The following NUP37 variants were observed in gnomAD, a reference collection of about 807,000 sequenced individuals.
NUP37 encodes the protein nucleoporin Nup37.
Under a neutral mutation model 45.4 loss-of-function variants are expected in NUP37, and 33 were observed. The ratio of observed to expected loss-of-function variants is 0.73; its 90% confidence interval spans 0.55 to 0.97. NUP37 has a LOEUF of 0.97. Ranked by LOEUF, NUP37 falls within the 50% of genes least tolerant of loss-of-function variation. The probability of loss-of-function intolerance (pLI) is 0.00; values close to 1 mark genes in which losing one functional copy is unlikely to be tolerated. For synonymous variants in NUP37, 127 were observed against 130.7 expected, an observed-to-expected ratio of 0.97 and a Z score of 0.19; for missense variants, 365 against 389.7, an observed-to-expected ratio of 0.94 and a Z score of 0.53.
chr12:102,111,976 A>G (rs573518741), intron 3 of NUP37, 132 bp downstream of exon 3: 25 of 791,310 alleles, frequency 3.2e-5, no homozygotes, highest in Admixed American at 5.2e-5. Context: ...GTAGTAGCAA[A>G]TATCAAAATA....
chr12:102,074,070 A>G lies in NUP37; in HGVS notation c.*284T>C, dbSNP rs983924546. The G allele has an allele frequency of 6.0e-5, 11 of 184,164 alleles. No homozygotes were observed. Among genetic ancestry groups the G allele is most frequent in the Non-Finnish European group, 1.1e-4 (10 of 89,734 alleles). The allele number at this position is 184,164 out of a possible 1,614,324, so 11.4% of individuals were successfully genotyped here. ...ACTTCAAATACTCCTTTTTTGATAAACTCAAAAGCATTATTTTTCCTTAGT... is the reference window on the plus strand; with the variant it reads ...ACTTCAAATACTCCTTTTTTGATAAGCTCAAAAGCATTATTTTTCCTTAGT... On this transcript the variant is annotated 3_prime_UTR_variant, in exon 10 of 10. Coordinates refer to ENST00000552283, the MANE Select transcript of NUP37 (RefSeq NM_024057.4).
chr12:102,103,852 C>T (rs1880045378), intron 3 of NUP37, among the ~76,000 whole-genome samples: 1 of 152,096 alleles, frequency 6.6e-6, no homozygotes, highest in South Asian at 2.1e-4. Flanking sequence ...TAGGTATAGA[C>T]AAAATGTTCC....
intron 5 of NUP37, among the ~76,000 whole-genome samples, chr12:102,095,973 T>G: frequency 6.6e-6 from 1 of 152,124 alleles, no homozygotes; most frequent in East Asian, 1.9e-4. Context: ...TATCTTATTT[T>G]TCTGATATCC....
intron 2 of NUP37, 44 bp downstream of exon 2, chr12:102,118,319 G>C: frequency 1.9e-6 from 3 of 1,547,528 alleles, no homozygotes; most frequent in Non-Finnish European, 2.6e-6. Flanking sequence ...TCTCTTAGTA[G>C]TGAAATATGT....
intron 3 of NUP37, among the ~76,000 whole-genome samples, chr12:102,105,682 G>A (rs55836064): frequency 0.039 from 5,987 of 151,848 alleles, 166 homozygotes; most frequent in African/African-American, 0.071. Flanking sequence ...TCAACACGGC[G>A]AAATCCCATC....
intron 5 of NUP37, among the ~76,000 whole-genome samples, chr12:102,090,538 T>C (rs1879620153): frequency 6.6e-6 from 1 of 152,144 alleles, no homozygotes; most frequent in South Asian, 2.1e-4. Flanking sequence ...TGACAAAATA[T>C]GAATGTGAAA....
chr12:102,075,964 A>G lies in NUP37; in HGVS notation c.773+833T>C, dbSNP rs1261085914. On this transcript the variant is annotated intron_variant, in intron 8 of 9. Coordinates refer to ENST00000552283, the MANE Select transcript of NUP37 (RefSeq NM_024057.4). ...CACAGCCATCTTGTAACTATGAAGC[A>G]ACAAGTCCCAATCCTTGACACTGAG... 2.6e-5 allele frequency among the ~76,000 whole-genome samples: 4 copies of G among 152,090 alleles called. No individual in the cohort carries two copies. In the East Asian group the frequency reaches 7.7e-4, roughly 29 times the overall value.
chr12:102,079,981 T>G (rs1303008080), intron 6 of NUP37, among the ~76,000 whole-genome samples: 3 of 152,120 alleles, frequency 2.0e-5, no homozygotes, highest in Non-Finnish European at 4.4e-5. Context: ...CAAATAAAGT[T>G]TAGTGAGGAG....
At chr12:102,075,921 T>G (rs1480065248) in intron 8 of NUP37, among the ~76,000 whole-genome samples, 1 of 151,976 alleles carries the variant, frequency 6.6e-6, no homozygotes, top group Non-Finnish European at 1.5e-5. Context: ...GGAGTACTTC[T>G]CTTATGCCTG....
intron 5 of NUP37, among the ~76,000 whole-genome samples, chr12:102,093,819 C>T (rs541409815): frequency 6.6e-6 from 1 of 152,014 alleles, no homozygotes; most frequent in Admixed American, 6.6e-5. Context: ...TTACTGTAAC[C>T]ACATGAGGGC....
chr12:102,094,772 T>C (rs921227622), intron 5 of NUP37, among the ~76,000 whole-genome samples: 1 of 152,128 alleles, frequency 6.6e-6, no homozygotes, highest in Non-Finnish European at 1.5e-5. Flanking sequence ...CCTTCTCTCA[T>C]TCTTTTAAAA....
chr12:102,093,400 C>T (rs1315671140), intron 5 of NUP37, among the ~76,000 whole-genome samples: 3 of 151,932 alleles, frequency 2.0e-5, no homozygotes, highest in African/African-American at 7.2e-5. Flanking sequence ...TTATTAACAT[C>T]TCATTTAACT....
intron 6 of NUP37, chr12:102,079,163 C>T (rs762995671): frequency 2.2e-5 from 10 of 454,298 alleles, no homozygotes; most frequent in Non-Finnish European, 3.5e-5. Context: ...GGCATCAAAA[C>T]TCCTGAGCTG....
chr12:102,078,356 G>T (rs966559248), intron 6 of NUP37, among the ~76,000 whole-genome samples: 1 of 151,936 alleles, frequency 6.6e-6, no homozygotes, highest in African/African-American at 2.4e-5. Context: ...TTGAGATTTG[G>T]TAGAATTTTA....
chr12:102,118,620 A>T, intron 1 of NUP37, 37 bp from the exon 2 acceptor site: 6 of 1,009,286 alleles, frequency 5.9e-6, no homozygotes, highest in Non-Finnish European at 8.7e-6. Context: ...ACAATGGTCA[A>T]TATGTTAGTC....
chr12:102,077,053 G>A (rs1045140343), intron 7 of NUP37: 12 of 607,318 alleles, frequency 2.0e-5, no homozygotes, highest in Admixed American at 8.9e-5. Flanking sequence ...ATGCAACAGG[G>A]TCAGTGTTTT....
At chr12:102,110,079 C>T (rs1210304246) in intron 3 of NUP37, among the ~76,000 whole-genome samples, 1 of 152,160 alleles carries the variant, frequency 6.6e-6, no homozygotes, top group African/African-American at 2.4e-5. Flanking sequence ...AAAAAACATG[C>T]AACATCTTCA....
intron 2 of NUP37, among the ~76,000 whole-genome samples, chr12:102,116,565 T>G (rs1187339632): frequency 6.6e-6 from 1 of 152,262 alleles, no homozygotes; most frequent in African/African-American, 2.4e-5. Flanking sequence ...GGCTAGGAGC[T>G]GTCATATTCT....
chr12:102,092,905 T>G (rs959624168), intron 5 of NUP37, among the ~76,000 whole-genome samples: 1 of 152,274 alleles, frequency 6.6e-6, no homozygotes, highest in East Asian at 1.9e-4. Context: ...TGTCCAAATA[T>G]ATTTAGAAAA....
Sources: allele counts gnomAD v4.1 joint callset (sites outside exome capture counted in the v4.1 genomes callset), GRCh38; gene constraint gnomAD v4.1.1; transcripts MANE v1.5; gene names NCBI Gene and HGNC (gene_info 2026-07-23, HGNC 2026-07-21).